Variants in PACRG observed in about 807,000 individuals in gnomAD.
PACRG encodes the protein parkin coregulated gene protein.
A neutral mutation model predicts 29.7 loss-of-function variants in PACRG; 29 were observed. That is an observed-to-expected ratio of 0.98 (90% CI 0.73 to 1.33). The LOEUF (loss-of-function observed/expected upper bound fraction) is 1.33, where lower values mean the gene tolerates loss of function less well. Among genes scored for constraint, PACRG ranks in the 40% most tolerant of loss-of-function variants. The pLI, the probability that PACRG is intolerant of heterozygous loss-of-function variation, is 0.00. For missense variants in PACRG, 279 were observed against 316.2 expected (o/e 0.88, Z 0.89); for synonymous variants, 116 against 118.7 (o/e 0.98, Z 0.15).
upstream of PACRG, chr6:162,727,383 C>T (rs1012561928): frequency 4.3e-5 from 20 of 462,742 alleles, no homozygotes; most frequent in Non-Finnish European, 6.8e-5. Context: ...GAACGAGGAG[C>T]GGGGGTGCGG....
chr6:163,144,139 G>A (rs1416683936), intron 4 of PACRG, among the ~76,000 whole-genome samples: 1 of 148,782 alleles, frequency 6.7e-6, no homozygotes, highest in Non-Finnish European at 1.5e-5. Flanking sequence ...TGGGGCAGGA[G>A]AATAGCTTAA....
chr6:163,012,771 T>C (rs1805734434), intron 2 of PACRG, among the ~76,000 whole-genome samples: 2 of 152,356 alleles, frequency 1.3e-5, no homozygotes, highest in African/African-American at 2.4e-5. Context: ...CTGACAGAAG[T>C]GTAAATACTT....
intron 2 of PACRG, among the ~76,000 whole-genome samples, chr6:163,005,728 A>G (rs1456534820): frequency 2.1e-5 from 3 of 144,226 alleles, no homozygotes; most frequent in Admixed American, 2.0e-4. Context: ...TATATGTTCA[A>G]ATATTAGAAA....
intron 2 of PACRG, among the ~76,000 whole-genome samples, chr6:162,837,324 G>T (rs1487244205): frequency 6.6e-6 from 1 of 152,120 alleles, no homozygotes; most frequent in African/African-American, 2.4e-5. Context: ...TATTTGGGTT[G>T]TCACCAGCAT....
intron 4 of PACRG, among the ~76,000 whole-genome samples, chr6:163,181,841 C>T (rs1779689702): frequency 6.6e-6 from 1 of 152,086 alleles, no homozygotes; most frequent in African/African-American, 2.4e-5. Flanking sequence ...TGGAAGGCTT[C>T]CAAGGCCCGG....
chr6:163,149,462 T>C (rs1777982506), intron 4 of PACRG, among the ~76,000 whole-genome samples: 1 of 152,156 alleles, frequency 6.6e-6, no homozygotes, highest in African/African-American at 2.4e-5. Context: ...GAACACGGCC[T>C]TGTGATGAAG....
intron 3 of PACRG, among the ~76,000 whole-genome samples, chr6:163,067,569 A>C: frequency 6.6e-6 from 1 of 152,232 alleles, no homozygotes; most frequent in East Asian, 1.9e-4. Context: ...CTTTTTTTAA[A>C]GAAAGCCAAG....
At chr6:162,787,580 G>GTATCTATCTA (rs746185048) in intron 1 of PACRG, among the ~76,000 whole-genome samples, 1 of 69,178 alleles carries the variant, frequency 1.4e-5, no homozygotes, top group East Asian at 6.6e-4. Context: ...GTGTGTGTGT[G>GTATCTATCTA]TGTATATATA....
intron 4 of PACRG, among the ~76,000 whole-genome samples, chr6:163,160,313 A>C (rs76489456): frequency 0.015 from 2,325 of 152,342 alleles, 29 homozygotes; most frequent in Non-Finnish European, 0.025. Context: ...GGAAGCTGTC[A>C]CCAAAGACTC....
chr6:163,112,099 A>C (rs1332230508), intron 4 of PACRG: 1 of 915,556 alleles, frequency 1.1e-6, no homozygotes, highest in East Asian at 1.2e-4. Context: ...GGATTCTGGG[A>C]AGATGGTAGA....
intron 2 of PACRG, among the ~76,000 whole-genome samples, chr6:162,833,268 T>G (rs1430398178): frequency 6.6e-6 from 1 of 152,142 alleles, no homozygotes; most frequent in Admixed American, 6.6e-5. Flanking sequence ...CTTGGAAAAA[T>G]GAGAATACTT....
intron 3 of PACRG, among the ~76,000 whole-genome samples, chr6:163,083,879 C>G (rs1813301435): frequency 6.6e-6 from 1 of 151,638 alleles, no homozygotes; most frequent in Non-Finnish European, 1.5e-5. Flanking sequence ...TGAATGACAT[C>G]TAATAGTAGA....
At chr6:162,861,976 G>T (rs894539210) in intron 2 of PACRG, among the ~76,000 whole-genome samples, 2 of 152,058 alleles carry the variant, frequency 1.3e-5, no homozygotes, top group African/African-American at 4.8e-5. Context: ...GTCTGCTAAG[G>T]TCTCAGCATT....
At chr6:162,741,109 TAAAA>T (rs200561173) in intron 1 of PACRG, among the ~76,000 whole-genome samples, 1 of 152,100 alleles carries the variant, frequency 6.6e-6, no homozygotes, top group African/African-American at 2.4e-5. Flanking sequence ...GTATTTAGCT[TAAAA>T]AAACAAGCAT....
intron 2 of PACRG, among the ~76,000 whole-genome samples, chr6:162,955,422 C>T (rs926667080): frequency 6.6e-6 from 1 of 152,104 alleles, no homozygotes. Flanking sequence ...GCCTCAGCCT[C>T]CCGAGTAGCT....
chr6:162,858,806 T>A (rs1791613977), intron 2 of PACRG, among the ~76,000 whole-genome samples: 1 of 152,144 alleles, frequency 6.6e-6, no homozygotes, highest in Non-Finnish European at 1.5e-5. Context: ...AGGGCAGTAC[T>A]CCTGTCACAT....
chr6:163,250,771 T>C (rs1782869793), intron 4 of PACRG, among the ~76,000 whole-genome samples: 1 of 152,086 alleles, frequency 6.6e-6, no homozygotes, highest in African/African-American at 2.4e-5. Context: ...ACAATTTATA[T>C]TTATTTTATA....
intron 2 of PACRG, among the ~76,000 whole-genome samples, chr6:162,985,509 C>T (rs1802811475): frequency 6.6e-6 from 1 of 152,008 alleles, no homozygotes; most frequent in South Asian, 2.1e-4. Context: ...TCCAGCATCC[C>T]TCTATGATTA....
chr6:162,776,551 G>A (rs1181491943), intron 1 of PACRG, among the ~76,000 whole-genome samples: 1 of 152,194 alleles, frequency 6.6e-6, no homozygotes, highest in Non-Finnish European at 1.5e-5. Context: ...AAGCCAACAG[G>A]GGATAGTGCT....
Sources: allele counts gnomAD v4.1 joint callset (sites outside exome capture counted in the v4.1 genomes callset), GRCh38; gene constraint gnomAD v4.1.1; transcripts MANE v1.5; gene names NCBI Gene and HGNC (gene_info 2026-07-23, HGNC 2026-07-21).